Variants in CSMD1 observed in about 807,000 individuals in gnomAD.
CSMD1 encodes the protein CUB and Sushi multiple domains 1.
CSMD1 carries 213 observed loss-of-function variants against 417.5 expected under a neutral mutation model. The observed-to-expected ratio is 0.51, with a 90% CI of 0.46 to 0.57. CSMD1 has a LOEUF of 0.57. CSMD1 is among the 20% of genes least tolerant of loss of function. The pLI is 0.00. For missense variants in CSMD1, 6,923 were observed against 4,529.7 expected, an observed-to-expected ratio of 1.53 and a Z score of -15.17; for synonymous variants, 2,862 against 1,736.8, an observed-to-expected ratio of 1.65 and a Z score of -16.11.
chr8:4,852,480 G>C (rs1232649562), intron 1 of CSMD1, among the ~76,000 whole-genome samples: 2 of 152,018 alleles, frequency 1.3e-5, no homozygotes, highest in Non-Finnish European at 2.9e-5. Context: ...CACCAGTTGA[G>C]GCCTCATCTA....
intron 3 of CSMD1, among the ~76,000 whole-genome samples, chr8:4,259,692 C>T (rs900704679): frequency 6.6e-6 from 1 of 152,110 alleles, no homozygotes; most frequent in African/African-American, 2.4e-5. Flanking sequence ...AATTTCTATT[C>T]ATCATGTACA....
chr8:4,494,773 A>T (rs922168826), intron 2 of CSMD1, among the ~76,000 whole-genome samples: 70 of 152,206 alleles, frequency 4.6e-4, no homozygotes, highest in African/African-American at 1.7e-3. Context: ...ATTCTCTATC[A>T]TGATTATATC....
intron 3 of CSMD1, among the ~76,000 whole-genome samples, chr8:4,364,994 A>T (rs1393283610): frequency 6.6e-6 from 1 of 152,168 alleles, no homozygotes; most frequent in Non-Finnish European, 1.5e-5. Context: ...GAAAACATTT[A>T]TATTCTAATG....
intron 3 of CSMD1, among the ~76,000 whole-genome samples, chr8:4,185,758 T>C (rs981606092): frequency 6.6e-6 from 1 of 152,162 alleles, no homozygotes; most frequent in African/African-American, 2.4e-5. Flanking sequence ...CATTTTGAGA[T>C]AAAATATCCC....
intron 1 of CSMD1, among the ~76,000 whole-genome samples, chr8:4,710,986 G>T (rs17071086): frequency 2.6e-5 from 4 of 152,096 alleles, no homozygotes; most frequent in Admixed American, 2.6e-4. Context: ...GTGTACTTGA[G>T]TGACATGTGA....
At chr8:4,957,722 C>G (rs1408436081) in intron 1 of CSMD1, among the ~76,000 whole-genome samples, 3 of 152,148 alleles carry the variant, frequency 2.0e-5, no homozygotes, top group African/African-American at 7.2e-5. Flanking sequence ...CTTACCATGT[C>G]TCTTTTCCCA....
intron 1 of CSMD1, among the ~76,000 whole-genome samples, chr8:4,989,559 C>G (rs76666214): frequency 2.6e-5 from 4 of 152,142 alleles, no homozygotes; most frequent in Non-Finnish European, 5.9e-5. Flanking sequence ...TGTGCAACTA[C>G]GCATGCAACT....
At chr8:4,553,589 A>G (rs188008396) in intron 2 of CSMD1, among the ~76,000 whole-genome samples, 1 of 152,210 alleles carries the variant, frequency 6.6e-6, no homozygotes, top group East Asian at 1.9e-4. Context: ...AAATTAGATT[A>G]TTTTTGATCT....
chr8:3,967,380 T>G (rs1438809152), intron 5 of CSMD1, among the ~76,000 whole-genome samples: 1 of 152,124 alleles, frequency 6.6e-6, no homozygotes, highest in Non-Finnish European at 1.5e-5. Flanking sequence ...GCAGGCTCAT[T>G]ATTCTCTAGG....
chr8:3,701,713 A>T (rs940668993), intron 7 of CSMD1, among the ~76,000 whole-genome samples: 3 of 152,214 alleles, frequency 2.0e-5, no homozygotes, highest in Non-Finnish European at 4.4e-5. Flanking sequence ...TTTACAAAAG[A>T]CAATCCAAAC....
chr8:3,003,035 T>C (rs1807552898), intron 52 of CSMD1, among the ~76,000 whole-genome samples: 1 of 152,292 alleles, frequency 6.6e-6, no homozygotes, highest in South Asian at 2.1e-4. Context: ...TTTGAAACAA[T>C]GAGATAGCAA....
intron 7 of CSMD1, among the ~76,000 whole-genome samples, chr8:3,673,600 A>G (rs998022508): frequency 1.3e-5 from 2 of 152,212 alleles, no homozygotes; most frequent in African/African-American, 4.8e-5. Flanking sequence ...GCTAATTTTA[A>G]CTTGAATAAC....
At chr8:4,017,965 G>C (rs910488318) in intron 4 of CSMD1, among the ~76,000 whole-genome samples, 1 of 152,212 alleles carries the variant, frequency 6.6e-6, no homozygotes, top group African/African-American at 2.4e-5. Context: ...ATAGCGGCAT[G>C]CATTTATACA....
chr8:3,587,263 G>A (rs1179674323), intron 8 of CSMD1, among the ~76,000 whole-genome samples: 1 of 152,232 alleles, frequency 6.6e-6, no homozygotes, highest in African/African-American at 2.4e-5. Context: ...GAGAGGCAGA[G>A]ATCAGGTTTG....
chr8:3,286,028 CA>C (rs1803127999), intron 25 of CSMD1, among the ~76,000 whole-genome samples: 1 of 152,020 alleles, frequency 6.6e-6, no homozygotes, highest in African/African-American at 2.4e-5. Flanking sequence ...TTCCTGTGTC[CA>C]TGTGTTCTCA....
At chr8:3,380,488 C>G (rs912280378) in intron 18 of CSMD1, among the ~76,000 whole-genome samples, 1 of 152,030 alleles carries the variant, frequency 6.6e-6, no homozygotes, top group Non-Finnish European at 1.5e-5. Context: ...TGGAACAAAC[C>G]CAAATGTCCA....
At chr8:4,219,396 A>G (rs938692020) in intron 3 of CSMD1, among the ~76,000 whole-genome samples, 3 of 152,222 alleles carry the variant, frequency 2.0e-5, no homozygotes, top group Non-Finnish European at 2.9e-5. Flanking sequence ...AAATATTTAT[A>G]AAATTAATTA....
At chr8:4,554,952 G>A (rs1204572408) in intron 2 of CSMD1, among the ~76,000 whole-genome samples, 1 of 152,164 alleles carries the variant, frequency 6.6e-6, no homozygotes, top group Non-Finnish European at 1.5e-5. Flanking sequence ...GATGGAGTAA[G>A]CCAAGCCTGC....
At chr8:4,992,222 CT>C (rs1811506677) in intron 1 of CSMD1, among the ~76,000 whole-genome samples, 1 of 151,892 alleles carries the variant, frequency 6.6e-6, no homozygotes, top group Admixed American at 6.5e-5. Flanking sequence ...CCTCCACACC[CT>C]CCCTCCCGCC....
Sources: allele counts gnomAD v4.1 joint callset (sites outside exome capture counted in the v4.1 genomes callset), GRCh38; gene constraint gnomAD v4.1.1; transcripts MANE v1.5; gene names NCBI Gene and HGNC (gene_info 2026-07-23, HGNC 2026-07-21).